ZSWIM6: variants seen among roughly 807,000 people sequenced by gnomAD.
ZSWIM6 encodes the protein zinc finger SWIM domain-containing protein 6.
Under a neutral mutation model 113.2 loss-of-function variants are expected in ZSWIM6, and 9 were observed. The ratio of observed to expected loss-of-function variants is 0.08; its 90% confidence interval spans 0.05 to 0.14. The LOEUF is 0.14. Among genes scored for constraint, ZSWIM6 ranks in the 10% least tolerant of loss-of-function variants. The pLI, the probability that ZSWIM6 is intolerant of heterozygous loss-of-function variation, is 1.00. For synonymous variants in ZSWIM6, 611 were observed against 606.5 expected (o/e 1.01, Z -0.11); for missense variants, 1,162 against 1,552.2 (o/e 0.75, Z 4.22).
In ZSWIM6 at chr5:61,530,157, G is replaced by T. The variant is rs983495066; in HGVS notation, c.1943G>T (p.Arg648Leu). 1.2e-5 allele frequency: 19 copies of T among 1,551,664 alleles called. No homozygotes were observed. In the Admixed American group the frequency reaches 1.6e-4, roughly 13 times the overall value. ...TTCAGTAGCCTTATGGAAGCCTGCCGCATTGATGATGAGAACCTCTCTGGG... is the reference window on the plus strand; with the variant it reads ...TTCAGTAGCCTTATGGAAGCCTGCCTCATTGATGATGAGAACCTCTCTGGG... ...TLFSSLMEACRIDDENLSGFS... is the reference protein window; with the variant it reads ...TLFSSLMEACLIDDENLSGFS... The change falls in exon 8 of 14, where the codon CGC (arginine) becomes CTC (leucine). Residue 648 changes from arginine to leucine, a missense_variant. By Grantham distance (102) the Arg-to-Leu change is moderately radical. Transcript: ENST00000252744.
chr5:61,351,666 T>C (rs1744786296), intron 1 of ZSWIM6, among the ~76,000 whole-genome samples: 1 of 152,212 alleles, frequency 6.6e-6, no homozygotes, highest in African/African-American at 2.4e-5. Flanking sequence ...AAAGTTGTGG[T>C]GATATGACCC....
intron 4 of ZSWIM6, among the ~76,000 whole-genome samples, chr5:61,512,884 C>T (rs1748827773): frequency 6.6e-6 from 1 of 151,992 alleles, no homozygotes; most frequent in Admixed American, 6.6e-5. Context: ...CCCATATACC[C>T]CTTCCCCCGA....
At chr5:61,479,523 C>T (rs1268783801) in intron 2 of ZSWIM6, among the ~76,000 whole-genome samples, 1 of 152,162 alleles carries the variant, frequency 6.6e-6, no homozygotes, top group Non-Finnish European at 1.5e-5. Flanking sequence ...TCAGTTTCCT[C>T]GCCCATCCCT....
chr5:61,510,388 A>G (rs1388797563), intron 4 of ZSWIM6, among the ~76,000 whole-genome samples: 1 of 151,892 alleles, frequency 6.6e-6, no homozygotes, highest in African/African-American at 2.4e-5. Flanking sequence ...CATGACTATT[A>G]GTGTTCTGCC....
intron 4 of ZSWIM6, among the ~76,000 whole-genome samples, chr5:61,505,168 A>T (rs943943766): frequency 6.6e-6 from 1 of 152,188 alleles, no homozygotes; most frequent in Non-Finnish European, 1.5e-5. Flanking sequence ...TATGTTTCTT[A>T]TGCTTAACTG....
intron 2 of ZSWIM6, among the ~76,000 whole-genome samples, chr5:61,485,919 C>G (rs1386290903): frequency 2.0e-5 from 3 of 152,130 alleles, no homozygotes; most frequent in Non-Finnish European, 4.4e-5. Flanking sequence ...GATATACTGA[C>G]ATGTAAGCTC....
At position 61,449,780 on chromosome 5, in the gene ZSWIM6, T is replaced by TTTTCC. The variant is rs374849331; in HGVS notation, c.677-22901_677-22900insTTTCC. On this transcript the variant is annotated intron_variant, in intron 1 of 13. Coordinates refer to ENST00000252744, the MANE Select transcript of ZSWIM6 (RefSeq NM_020928.2). The stretch of plus-strand genomic sequence containing the variant: ...CATCACTTTATGCTCTTTTCCCCTC[T>TTTTCC]CCTTGTAAGGGTGGGTACTTTAGGA... Among the ~76,000 whole-genome samples the TTTTCC allele has an allele frequency of 4.9e-3, 745 of 152,226 alleles. 2 individuals are homozygous for TTTTCC. The highest frequency in any genetic ancestry group is 8.3e-3 in the Non-Finnish European group (564 of 68,014).
At position 61,389,554 on chromosome 5, in the gene ZSWIM6, C is replaced by CAAAA. The variant is rs60533774; in HGVS notation, c.676+56626_676+56629dup. Among the ~76,000 whole-genome samples the CAAAA allele has an allele frequency of 2.3e-3, 117 of 50,906 alleles. 3 individuals are homozygous for CAAAA. Among genetic ancestry groups the CAAAA allele is most frequent in the African/African-American group, 6.6e-3 (89 of 13,570 alleles). 33.4% of individuals were successfully genotyped at this position (50,906 alleles called of 152,430 possible). On this transcript the variant is annotated intron_variant, in intron 1 of 13. Coordinates refer to ENST00000252744, the MANE Select transcript of ZSWIM6 (RefSeq NM_020928.2). ...CAGGCGACAGTGCAAGACTCAGTCT[C>CAAAA]AAAAAAAAAAAAAAAAAAAAAAAGA...
At chr5:61,356,348 T>C (rs769306893) in intron 1 of ZSWIM6, among the ~76,000 whole-genome samples, 4 of 152,192 alleles carry the variant, frequency 2.6e-5, no homozygotes, top group Non-Finnish European at 4.4e-5. Context: ...CATCTGCCAA[T>C]TGATTATTTT....
intron 1 of ZSWIM6, among the ~76,000 whole-genome samples, chr5:61,399,721 T>G (rs139543469): frequency 6.6e-6 from 1 of 152,338 alleles, no homozygotes; most frequent in Non-Finnish European, 1.5e-5. Context: ...TGTAATTGGT[T>G]TCTCCAATTT....
intron 2 of ZSWIM6, among the ~76,000 whole-genome samples, chr5:61,484,566 A>G (rs746951624): frequency 2.0e-5 from 3 of 152,226 alleles, no homozygotes; most frequent in African/African-American, 7.2e-5. Context: ...TAAAGAATCT[A>G]TAGGTATTTT....
At chr5:61,377,216 CT>C (rs1206680575) in intron 1 of ZSWIM6, among the ~76,000 whole-genome samples, 16 of 152,072 alleles carry the variant, frequency 1.1e-4, no homozygotes, top group Admixed American at 1.0e-3. Flanking sequence ...GTTGGGATAA[CT>C]GGGTAGCCAT....
chr5:61,458,094 C>T (rs1426153840), intron 1 of ZSWIM6, among the ~76,000 whole-genome samples: 3 of 152,090 alleles, frequency 2.0e-5, no homozygotes, highest in Admixed American at 6.5e-5. Context: ...ATAATATAGT[C>T]TCTTTGAGGT....
At chr5:61,523,324 G>A (rs1291724142) in intron 5 of ZSWIM6, among the ~76,000 whole-genome samples, 1 of 152,212 alleles carries the variant, frequency 6.6e-6, no homozygotes, top group African/African-American at 2.4e-5. Context: ...ACACATTAGA[G>A]TGCATGTGAA....
At chr5:61,491,531 T>G (rs1248802186) in intron 3 of ZSWIM6, among the ~76,000 whole-genome samples, 1 of 152,078 alleles carries the variant, frequency 6.6e-6, no homozygotes, top group Non-Finnish European at 1.5e-5. Context: ...CTACTGTTCA[T>G]CTTCATCATT....
At chr5:61,530,369 A>G (rs1276314160) in intron 8 of ZSWIM6, among the ~76,000 whole-genome samples, 171 bp downstream of exon 8, 9 of 152,238 alleles carry the variant, frequency 5.9e-5, no homozygotes, top group African/African-American at 1.4e-4. Context: ...AGGCTGCTAC[A>G]AAACTGGGAA....
intron 1 of ZSWIM6, among the ~76,000 whole-genome samples, chr5:61,401,489 T>C (rs570446892): frequency 9.2e-5 from 14 of 152,150 alleles, no homozygotes; most frequent in Non-Finnish European, 1.3e-4. Flanking sequence ...AAAGGGTATA[T>C]AGATACCCTT....
At chr5:61,477,521 C>CA (rs1747737347) in intron 2 of ZSWIM6, among the ~76,000 whole-genome samples, 1 of 152,196 alleles carries the variant, frequency 6.6e-6, no homozygotes, top group Non-Finnish European at 1.5e-5. Flanking sequence ...CCCAGGTGTG[C>CA]ATTCATGTGT....
intron 1 of ZSWIM6, among the ~76,000 whole-genome samples, chr5:61,361,125 C>T (rs1440173550): frequency 6.6e-6 from 1 of 151,992 alleles, no homozygotes; most frequent in Non-Finnish European, 1.5e-5. Flanking sequence ...GTGGACTTTT[C>T]CCTGGGCTGA....
Sources: allele counts gnomAD v4.1 joint callset (sites outside exome capture counted in the v4.1 genomes callset), GRCh38; gene constraint gnomAD v4.1.1; transcripts MANE v1.5; gene names NCBI Gene and HGNC (gene_info 2026-07-23, HGNC 2026-07-21).